Variants in CRIP2 observed in about 807,000 individuals in gnomAD.
CRIP2 encodes the protein cysteine rich protein 2.
Under a neutral mutation model 31.3 loss-of-function variants are expected in CRIP2, and 31 were observed. That is an observed-to-expected ratio of 0.99 (90% CI 0.74 to 1.34). CRIP2 has a LOEUF of 1.34. Among genes scored for constraint, CRIP2 ranks in the 40% most tolerant of loss-of-function variants. CRIP2 has a pLI of 0.00. For synonymous variants in CRIP2, 177 were observed against 127.2 expected, an observed-to-expected ratio of 1.39 and a Z score of -2.63; for missense variants, 389 against 301.6, an observed-to-expected ratio of 1.29 and a Z score of -2.15.
chr14:105,474,969 G>C lies in CRIP2; in HGVS notation c.43+64G>C. The C allele has an allele frequency of 7.1e-7, 1 of 1,406,680 alleles. No homozygotes were observed. The highest frequency in any genetic ancestry group is 1.5e-5 in the South Asian group (1 of 67,122). The allele number at this position is 1,406,680 out of a possible 1,614,324, so 87.1% of individuals were successfully genotyped here. A position where few individuals can be genotyped will look rare whatever the true frequency, so the allele number is the denominator to read the frequency against. On this transcript the variant is annotated intron_variant, in intron 1 of 7. Coordinates refer to ENST00000329146, the MANE Select transcript of CRIP2 (RefSeq NM_001312.4). The surrounding 1 kb of genome is among the most constrained non-coding windows in gnomAD (Gnocchi z 5.1). ...CGCCGCCCTTCGCGGCCAGTCCCGC[G>C]CCGCAGAGCCGCGGCGTAACTCGGG...
chr14:105,479,003 G>C lies in CRIP2; in HGVS notation c.362G>C (p.Gly121Ala). Residue 121 changes from glycine to alanine, a missense_variant, in exon 5 of 8, where the codon GGG (glycine) becomes GCG (alanine). Gly to Ala is a moderately conservative substitution (Grantham distance 60). Coordinates refer to ENST00000329146, the MANE Select transcript of CRIP2 (RefSeq NM_001312.4). ...GCCTCCAGTGTCACCACTTTCACCG[G>C]GGAGCCCAACACGTGCCCGCGCTGC... is the stretch of plus-strand genomic sequence containing the variant. ...SRASSVTTFT[G>A]EPNTCPRCSK... The C allele has an allele frequency of 6.3e-7, 1 of 1,582,500 alleles. No individual in the cohort carries two copies. The highest frequency in any genetic ancestry group is 8.6e-7 in the Non-Finnish European group (1 of 1,167,852).
At position 105,479,334 on chromosome 14, in the gene CRIP2, C is replaced by T. The variant is rs1038607506; in HGVS notation, c.502-102C>T. The T allele has an allele frequency of 5.2e-5, 81 of 1,559,008 alleles. No homozygotes were observed. The African/African-American group carries it at 6.4e-4, about 12-fold the overall frequency. On this transcript the variant is annotated intron_variant, in intron 6 of 7. Transcript: ENST00000329146. ...GTGGTGCTTCTGGGAGCTGCGCTGCCCTCTCCCCCACGGCGAGCCGGCCTG... is the reference window on the plus strand; with the variant it reads ...GTGGTGCTTCTGGGAGCTGCGCTGCTCTCTCCCCCACGGCGAGCCGGCCTG...
upstream of CRIP2, chr14:105,474,365 G>T (rs2083889174): frequency 6.6e-6 from 1 of 151,654 alleles, no homozygotes; most frequent in Non-Finnish European, 1.5e-5. The surrounding 1 kb of genome is among the most constrained non-coding windows in gnomAD (Gnocchi z 5.1). Flanking sequence ...CGCGCGGCGG[G>T]GTGGGGGTGG....
At chr14:105,476,338 C>A in intron 1 of CRIP2, 1 of 985,562 alleles carries the variant, frequency 1.0e-6, no homozygotes. Flanking sequence ...GGCTTCTGTC[C>A]TGCCTGGGAG....
intron 1 of CRIP2, chr14:105,477,547 G>A (rs1220752013): frequency 1.5e-5 from 15 of 984,434 alleles, no homozygotes; most frequent in Non-Finnish European, 1.8e-5. Flanking sequence ...GTCAGTGCGA[G>A]GCAGGTGTGA....
Position 105,478,956 on chromosome 14 carries a change from G to A in CRIP2, c.338-23G>A. The A allele has an allele frequency of 8.9e-7, 1 of 1,120,208 alleles. No individual in the cohort carries two copies. 69.4% of individuals were successfully genotyped at this position (1,120,208 alleles called of 1,614,324 possible). A position where few individuals can be genotyped will look rare whatever the true frequency, so the allele number is the denominator to read the frequency against. ...TTGTGGGCACCCCCGGCCCCGCCCCGCCCTGACTCGTGCGCCCCACAGCCT... is the reference window on the plus strand; with the variant it reads ...TTGTGGGCACCCCCGGCCCCGCCCCACCCTGACTCGTGCGCCCCACAGCCT... On this transcript the variant is annotated intron_variant, in intron 4 of 7. Transcript: ENST00000329146. This position sits in a 1 kb window ranked among gnomAD's most constrained non-coding sequence, Gnocchi z 4.9.
Position 105,478,615 on chromosome 14 carries a change from C to A in CRIP2, c.196+108C>A. The A allele has an allele frequency of 6.6e-7, 1 of 1,507,432 alleles. No individual in the cohort carries two copies. Among genetic ancestry groups the A allele is most frequent in the Non-Finnish European group, 8.9e-7 (1 of 1,124,052 alleles). The allele number at this position is 1,507,432 out of a possible 1,614,324, so 93.4% of individuals were successfully genotyped here. On this transcript the variant is annotated intron_variant, in intron 3 of 7. Transcript: ENST00000329146. The surrounding 1 kb of genome is among the most constrained non-coding windows in gnomAD (Gnocchi z 4.9). ...GCCGCCGTGGATCCCCGCCCAGAGT[C>A]CCTGCCACCCTGGAAAGCCTAGTGC...
upstream of CRIP2, chr14:105,473,024 C>T (rs1161712115): frequency 1.7e-6 from 1 of 602,160 alleles, no homozygotes; most frequent in South Asian, 2.0e-5. Flanking sequence ...CCAGCCCTGT[C>T]CTCCAGAGCA....
upstream of CRIP2, chr14:105,474,817 C>G: frequency 6.6e-6 from 9 of 1,372,342 alleles, no homozygotes; most frequent in Non-Finnish European, 7.6e-6. The surrounding 1 kb of genome is among the most constrained non-coding windows in gnomAD (Gnocchi z 5.1). Flanking sequence ...GGCGGCGGCC[C>G]GGAGGAGAAC....
chr14:105,476,386 T>C, intron 1 of CRIP2: 1 of 985,454 alleles, frequency 1.0e-6, no homozygotes, highest in Non-Finnish European at 1.2e-6. Context: ...CTGCCCACCC[T>C]CACACCAGGC....
chr14:105,477,349 C>T (rs1282893817), intron 1 of CRIP2: 21 of 985,260 alleles, frequency 2.1e-5, no homozygotes, highest in African/African-American at 1.6e-4. Flanking sequence ...AGGGGCATTA[C>T]GGCGGGGGGA....
At chr14:105,477,898 G>GTTGGAGCGCGGGCAGGTA in intron 1 of CRIP2, among the ~76,000 whole-genome samples, 3 of 25,168 alleles carry the variant, frequency 1.2e-4, no homozygotes, top group African/African-American at 1.3e-4. Context: ...GCGGGCAGGT[G>GTTGGAGCGCGGGCAGGTA]TTGGAGCGCG....
intron 1 of CRIP2, chr14:105,476,966 C>T (rs1317345695): frequency 2.5e-5 from 5 of 202,234 alleles, no homozygotes; most frequent in South Asian, 1.7e-4. Flanking sequence ...GAGTGGGCTT[C>T]GCCCTAGCCA....
At position 105,478,649 on chromosome 14, in the gene CRIP2, C is replaced by T; in HGVS notation, c.197-82C>T. ...CCTGGAAAGCCTAGTGCCCCCCAGT[C>T]CCCAGCGGGCCGTTTTCTGAGATGC... is the stretch of plus-strand genomic sequence containing the variant. On this transcript the variant is annotated intron_variant, in intron 3 of 7. Transcript: ENST00000329146. This position sits in a 1 kb window ranked among gnomAD's most constrained non-coding sequence, Gnocchi z 4.9. 1 of 1,460,180 alleles carries T rather than the reference C, an allele frequency of 6.8e-7. No homozygotes were observed. Among genetic ancestry groups the T allele is most frequent in the South Asian group, 1.3e-5 (1 of 76,384 alleles). 90.5% of individuals were successfully genotyped at this position (1,460,180 alleles called of 1,614,324 possible). A position where few individuals can be genotyped will look rare whatever the true frequency, so the allele number is the denominator to read the frequency against.
chr14:105,475,813 C>G, intron 1 of CRIP2: 1 of 984,822 alleles, frequency 1.0e-6, no homozygotes, highest in South Asian at 4.7e-5. Flanking sequence ...GTGGTAAGGT[C>G]CCTGCCCACC....
rs2084041428 is a variant in CRIP2, at chr14:105,479,485, G to A, written c.551G>A (p.Gly184Glu). The A allele has an allele frequency of 6.2e-7, 1 of 1,612,862 alleles. No individual in the cohort carries two copies. Among genetic ancestry groups the A allele is most frequent in the African/African-American group, 1.3e-5 (1 of 74,908 alleles). ...AAGCCCTGCTATGGAATCCTCTTCG[G>A]ACCCAAGGGTGAGTGTAGCCAGGGT... ...CHKPCYGILF[G>E]PKGVNTGAVG... Residue 184 changes from glycine (G) to glutamate (E), a missense_variant, in exon 7 of 8, where the codon GGA (glycine) becomes GAA (glutamate). Coordinates refer to ENST00000329146, the MANE Select transcript of CRIP2 (RefSeq NM_001312.4).
At chr14:105,473,141 G>T, upstream of CRIP2, 1 of 1,335,688 alleles carries the variant, frequency 7.5e-7, no homozygotes, top group Non-Finnish European at 1.0e-6. Context: ...GAGAGGGTTT[G>T]GCAGTGGGCC....
At chr14:105,473,936 G>A (rs1252923133), upstream of CRIP2, among the ~76,000 whole-genome samples, 1 of 152,172 alleles carries the variant, frequency 6.6e-6, no homozygotes, top group Non-Finnish European at 1.5e-5. Flanking sequence ...CCCCAGCCCG[G>A]GGCACAGAGG....
chr14:105,474,773 GCGGACAGC>G (rs1261204175), upstream of CRIP2: 5 of 1,163,406 alleles, frequency 4.3e-6, no homozygotes, highest in Non-Finnish European at 5.3e-6. This position sits in a 1 kb window ranked among gnomAD's most constrained non-coding sequence, Gnocchi z 5.1. Flanking sequence ...CAATGGGCGC[GCGGACAGC>G]CGGGCAGGCG....
Sources: allele counts gnomAD v4.1 joint callset (sites outside exome capture counted in the v4.1 genomes callset), GRCh38; gene constraint gnomAD v4.1.1; non-coding constraint Gnocchi (gnomAD v3.1); transcripts MANE v1.5; gene names NCBI Gene and HGNC (gene_info 2026-07-23, HGNC 2026-07-21).